Variants in DNAJC11 observed in about 807,000 individuals in gnomAD.
The protein encoded by DNAJC11 is DnaJ heat shock protein family (Hsp40) member C11, also known as dnaJ homolog subfamily C member 11.
A neutral mutation model predicts 78.6 loss-of-function variants in DNAJC11; 15 were observed. That is an observed-to-expected ratio of 0.19 (90% CI 0.13 to 0.29). The LOEUF is 0.29. DNAJC11 is among the 10% of genes least tolerant of loss of function. The pLI, the probability that DNAJC11 is intolerant of heterozygous loss-of-function variation, is 1.00. For synonymous variants in DNAJC11, 292 were observed against 272.1 expected (o/e 1.07, Z -0.72); for missense variants, 547 against 709.6 (o/e 0.77, Z 2.60).
chr1:6,660,962 G>C (rs1361613012), intron 4 of DNAJC11, among the ~76,000 whole-genome samples: 1 of 152,198 alleles, frequency 6.6e-6, no homozygotes, highest in Non-Finnish European at 1.5e-5. Context: ...ATTCAGCCAG[G>C]AATGTACCAT....
At chr1:6,638,162 C>T (rs1000467838) in intron 12 of DNAJC11, 133 bp downstream of exon 12, 1 of 842,058 alleles carries the variant, frequency 1.2e-6, no homozygotes, top group Non-Finnish European at 1.8e-6. Context: ...TGTCGCATCC[C>T]ACAATAAAGA....
In DNAJC11 at chr1:6,689,495, T is replaced by C. The variant is rs190755252; in HGVS notation, c.73-8458A>G. Among the ~76,000 whole-genome samples the C allele has an allele frequency of 7.2e-5, 11 of 151,992 alleles. No individual in the cohort carries two copies. The East Asian group carries it at 1.4e-3, about 19-fold the overall frequency. On this transcript the variant is annotated intron_variant, in intron 1 of 15. Coordinates refer to ENST00000377577, the MANE Select transcript of DNAJC11 (RefSeq NM_018198.4). Reference sequence around the variant, plus strand: ...CCAGAAGGCAGATAGAGATGAAGGGTTGAAGCAAGAGACTTAAAAAGGGGG... The same window carrying C: ...CCAGAAGGCAGATAGAGATGAAGGGCTGAAGCAAGAGACTTAAAAAGGGGG...
chr1:6,664,992 C>T (rs1363813619), intron 4 of DNAJC11, among the ~76,000 whole-genome samples: 1 of 152,186 alleles, frequency 6.6e-6, no homozygotes, highest in Admixed American at 6.5e-5. Flanking sequence ...GCACGGGATA[C>T]AGCCTGCAAA....
rs1407649725 is a variant in DNAJC11 at position 6,680,459 on chromosome 1, A to G, written c.202+449T>C. On this transcript the variant is annotated intron_variant, in intron 2 of 15. Coordinates refer to ENST00000377577, the MANE Select transcript of DNAJC11 (RefSeq NM_018198.4). This position sits in a 1 kb window ranked among gnomAD's most constrained non-coding sequence, Gnocchi z 4.0. Reference sequence around the variant, plus strand: ...TGTGAATCACTTGGTTCTATTTCCTATAAGCCTTCTTAACATCATTTTCTT... The same window carrying G: ...TGTGAATCACTTGGTTCTATTTCCTGTAAGCCTTCTTAACATCATTTTCTT... 4.6e-5 allele frequency among the ~76,000 whole-genome samples: 7 copies of G among 152,216 alleles called. No homozygotes were observed. Among genetic ancestry groups the G allele is most frequent in the South Asian group, 4.1e-4 (2 of 4,838 alleles).
chr1:6,673,448 TA>T (rs1642411710), intron 3 of DNAJC11, among the ~76,000 whole-genome samples: 1 of 152,126 alleles, frequency 6.6e-6, no homozygotes, highest in South Asian at 2.1e-4. Flanking sequence ...TTCCCTGCTA[TA>T]AAATGAGGAG....
At chr1:6,681,707 G>T (rs967720393) in intron 1 of DNAJC11, among the ~76,000 whole-genome samples, 12 of 152,116 alleles carry the variant, frequency 7.9e-5, no homozygotes, top group Admixed American at 2.6e-4. Flanking sequence ...AACCACAGTG[G>T]GGGGGGCGGG....
Position 6,667,258 on chromosome 1 carries a change from T to C in DNAJC11, c.378+451A>G, listed in dbSNP as rs1570290979. Among the ~76,000 whole-genome samples the C allele has an allele frequency of 4.6e-5, 7 of 152,276 alleles. 1 individual carries two copies. The highest frequency in any genetic ancestry group is 4.6e-4 in the Admixed American group (7 of 15,284). ...ACATGCCCTGAGCCCTCTGCATTAT[T>C]TGGCTCTCCGTATCCTAACGGGTAA... On this transcript the variant is annotated intron_variant, in intron 4 of 15. Coordinates refer to ENST00000377577, the MANE Select transcript of DNAJC11 (RefSeq NM_018198.4).
intron 1 of DNAJC11, among the ~76,000 whole-genome samples, chr1:6,682,999 A>G (rs1240356303): frequency 6.6e-6 from 1 of 151,958 alleles, no homozygotes; most frequent in Non-Finnish European, 1.5e-5. Context: ...GAGAGAGGCA[A>G]CTCTGCTGCA....
intron 10 of DNAJC11, 127 bp from the exon 11 acceptor site, chr1:6,640,184 G>C (rs1420449877): frequency 8.5e-7 from 1 of 1,182,942 alleles, no homozygotes; most frequent in Non-Finnish European, 1.1e-6. Context: ...AAAGGAGCCT[G>C]CAGTCTGCTC....
chr1:6,678,463 A>G lies in DNAJC11; in HGVS notation c.207T>C (p.Leu69=), dbSNP rs752748032. Residue 69 remains leucine, a synonymous_variant, in exon 3 of 16, where the codon CTT becomes CTC. Coordinates refer to ENST00000377577, the MANE Select transcript of DNAJC11 (RefSeq NM_018198.4). ...AGATGGCCCTGGTTTGGGGGTCACT[A>G]AGCACTGCAAATTAAAAATTAAACA... The part of the protein sequence containing the change: ...FNLVHQAYEV[L]SDPQTRAIYD... 6.2e-7 allele frequency: 1 copy of G among 1,610,154 alleles called. No individual in the cohort carries two copies. The highest frequency in any genetic ancestry group is 1.1e-5 in the South Asian group (1 of 90,382).
chr1:6,669,979 A>C (rs1225597276), intron 3 of DNAJC11, among the ~76,000 whole-genome samples: 1 of 148,664 alleles, frequency 6.7e-6, no homozygotes, highest in Admixed American at 6.8e-5. Context: ...TTTGAGACGG[A>C]GTCTTGCTTT....
chr1:6,688,200 T>G (rs1279077161), intron 1 of DNAJC11, among the ~76,000 whole-genome samples: 1 of 152,222 alleles, frequency 6.6e-6, no homozygotes, highest in African/African-American at 2.4e-5. Context: ...TCTTCAGTCC[T>G]GGACTGAGTC....
At position 6,634,977 on chromosome 1, in the gene DNAJC11, A is replaced by T. The variant is rs982040633; in HGVS notation, c.*698T>A. 7.2e-6 allele frequency: 6 copies of T among 828,134 alleles called. No homozygotes were observed. Among genetic ancestry groups the T allele is most frequent in the Non-Finnish European group, 9.7e-6 (6 of 621,462 alleles). The allele number at this position is 828,134 out of a possible 1,614,324, so 51.3% of individuals were successfully genotyped here. On this transcript the variant is annotated 3_prime_UTR_variant, in exon 16 of 16. Coordinates refer to ENST00000377577, the MANE Select transcript of DNAJC11 (RefSeq NM_018198.4). ...GGTGGCAGGGCGTTTTCCCACCGGGATACGGGAAGCCACCTGTGTCAGGGC... is the reference window on the plus strand; with the variant it reads ...GGTGGCAGGGCGTTTTCCCACCGGGTTACGGGAAGCCACCTGTGTCAGGGC...
At chr1:6,643,502 C>T (rs1487857129) in intron 10 of DNAJC11, among the ~76,000 whole-genome samples, 1 of 151,984 alleles carries the variant, frequency 6.6e-6, no homozygotes, top group Non-Finnish European at 1.5e-5. Flanking sequence ...GTCTCAATCT[C>T]CTGACCTCGT....
intron 3 of DNAJC11, among the ~76,000 whole-genome samples, chr1:6,669,729 C>A (rs1642349037): frequency 6.6e-6 from 1 of 151,642 alleles, no homozygotes; most frequent in Admixed American, 6.6e-5. Context: ...ATTGTGTGCA[C>A]CGGTGAGAAA....
chr1:6,673,421 C>T (rs1642411423), intron 3 of DNAJC11, among the ~76,000 whole-genome samples: 1 of 152,014 alleles, frequency 6.6e-6, no homozygotes, highest in Non-Finnish European at 1.5e-5. Context: ...AGGCAAGTCA[C>T]CTTTCTAAGC....
chr1:6,681,279 T>A (rs1362925599), intron 1 of DNAJC11, among the ~76,000 whole-genome samples: 1 of 152,176 alleles, frequency 6.6e-6, no homozygotes, highest in Non-Finnish European at 1.5e-5. Flanking sequence ...ATCCAATGAA[T>A]GAACGTTTGG....
intron 3 of DNAJC11, among the ~76,000 whole-genome samples, chr1:6,674,517 C>T (rs572766599): frequency 2.6e-5 from 4 of 152,144 alleles, no homozygotes; most frequent in South Asian, 2.1e-4. Context: ...GCCAAGATCA[C>T]GCCACTACAC....
At chr1:6,689,392 G>A (rs374117953) in intron 1 of DNAJC11, among the ~76,000 whole-genome samples, 3 of 152,208 alleles carry the variant, frequency 2.0e-5, no homozygotes, top group Admixed American at 6.5e-5. Context: ...GTTTTGGCTC[G>A]AATATGGGTT....
Sources: allele counts gnomAD v4.1 joint callset (sites outside exome capture counted in the v4.1 genomes callset), GRCh38; gene constraint gnomAD v4.1.1; non-coding constraint Gnocchi (gnomAD v3.1); transcripts MANE v1.5; gene names NCBI Gene and HGNC (gene_info 2026-07-23, HGNC 2026-07-21).